LRRC36: variants seen among roughly 807,000 people sequenced by gnomAD.
The protein encoded by LRRC36 is leucine-rich repeat-containing protein 36.
LRRC36 carries 62 observed loss-of-function variants against 81.1 expected under a neutral mutation model. The observed-to-expected ratio is 0.76, with a 90% CI of 0.62 to 0.94. LRRC36 has a LOEUF of 0.94. Ranked by LOEUF, LRRC36 falls within the 40% of genes least tolerant of loss-of-function variation. The pLI is 0.00. For synonymous variants in LRRC36, 334 were observed against 348.6 expected (o/e 0.96, Z 0.47); for missense variants, 761 against 881.7 (o/e 0.86, Z 1.73).
At position 67,331,153 on chromosome 16, in the gene LRRC36, G is replaced by A. The variant is rs569931872; in HGVS notation, c.70+4221G>A. ...TCCTTTATTAGGATAGCTAACTCCC[G>A]TGATAACTAACTCCATGATAACAGC... On this transcript the variant is annotated intron_variant, in intron 1 of 13. Coordinates refer to ENST00000329956, the MANE Select transcript of LRRC36 (RefSeq NM_018296.6). 1.6e-4 allele frequency among the ~76,000 whole-genome samples: 24 copies of A among 151,108 alleles called. 1 individual carries two copies. In the South Asian group the frequency reaches 3.8e-3, roughly 24 times the overall value.
chr16:67,372,570 G>T (rs1205655846), intron 9 of LRRC36, among the ~76,000 whole-genome samples: 1 of 152,096 alleles, frequency 6.6e-6, no homozygotes, highest in Non-Finnish European at 1.5e-5. Flanking sequence ...CATGTGGTTA[G>T]AGGAACCCCA....
rs1286226566 is a variant in LRRC36 at position 67,370,961 on chromosome 16, C to A, written c.1213C>A (p.His405Asn). The A allele has an allele frequency of 1.2e-6, 2 of 1,613,312 alleles. No individual in the cohort carries two copies. The highest frequency in any genetic ancestry group is 3.3e-5 in the Admixed American group (2 of 60,008). ...CTCCACAGATCTGTATGCCACAACC[C>A]ATTTCAACAGTGACCCTGCTGTACT... ...KLSSDLYATTHFNSDPAVLVN... is the reference protein window; with the variant it reads ...KLSSDLYATTNFNSDPAVLVN... Residue 405 changes from histidine (H) to asparagine (N), a missense_variant, in exon 9 of 14, where the codon CAT (histidine) becomes AAT (asparagine). Around this residue, in one of 3 missense-constraint regions of LRRC36, gnomAD observed 139 missense variants for 214.0 expected, o/e 0.65. Transcript: ENST00000329956.
chr16:67,331,248 G>A (rs762406615), intron 1 of LRRC36, among the ~76,000 whole-genome samples: 3 of 152,164 alleles, frequency 2.0e-5, no homozygotes, highest in African/African-American at 7.2e-5. Context: ...TGGCAATTAC[G>A]TTTCAACATG....
intron 5 of LRRC36, among the ~76,000 whole-genome samples, chr16:67,353,140 C>T (rs2038735861): frequency 6.6e-6 from 1 of 152,102 alleles, no homozygotes; most frequent in Non-Finnish European, 1.5e-5. Context: ...TGTTTAACAG[C>T]CTCTCAAGCT....
intron 7 of LRRC36, 57 bp downstream of exon 7, chr16:67,365,412 G>A (rs1355592804): frequency 1.3e-6 from 2 of 1,490,704 alleles, no homozygotes; most frequent in African/African-American, 2.8e-5. Flanking sequence ...AAGTCTGGAT[G>A]TGATGGGATT....
At chr16:67,370,158 T>C (rs1276749892) in intron 8 of LRRC36, among the ~76,000 whole-genome samples, 2 of 152,190 alleles carry the variant, frequency 1.3e-5, no homozygotes, top group African/African-American at 4.8e-5. Context: ...GCAGAGAATT[T>C]ATTAATACAG....
chr16:67,345,755 AAC>A (rs1320773418), intron 2 of LRRC36, among the ~76,000 whole-genome samples: 3 of 151,082 alleles, frequency 2.0e-5, no homozygotes, highest in Non-Finnish European at 4.4e-5. Context: ...AACACAACAC[AAC>A]ACACACACAC....
intron 2 of LRRC36, among the ~76,000 whole-genome samples, chr16:67,343,964 C>G (rs1013769729): frequency 6.6e-6 from 1 of 151,738 alleles, no homozygotes; most frequent in Non-Finnish European, 1.5e-5. Context: ...TTACAGGCAC[C>G]CACCACCACA....
rs2039604584 is a variant in LRRC36 at position 67,370,834 on chromosome 16, A to T, written c.1196-110A>T. ...AGTTTTGTCAGAGAGTTGAGGATGT[A>T]TGCTAGGGAGTGGTTATTATGACCC... is the stretch of plus-strand genomic sequence containing the variant. On this transcript the variant is annotated intron_variant, in intron 8 of 13. Transcript: ENST00000329956. 3 of 820,284 alleles carry T rather than the reference A, an allele frequency of 3.7e-6. No homozygotes were observed. In the East Asian group the frequency reaches 7.3e-5, roughly 20 times the overall value. The allele number at this position is 820,284 out of a possible 1,614,324, so 50.8% of individuals were successfully genotyped here.
At chr16:67,347,293 G>T (rs757511478) in intron 3 of LRRC36, 3 of 887,570 alleles carry the variant, frequency 3.4e-6, no homozygotes, top group Non-Finnish European at 4.9e-6. Context: ...GTGAGGCAGT[G>T]GTCGCTATGG....
chr16:67,326,894 G>A lies in LRRC36; in HGVS notation c.32G>A (p.Gly11Asp), dbSNP rs751300800. The change falls in exon 1 of 14, where the codon GGC becomes GAC. Residue 11 changes from glycine to aspartate, a missense_variant. Around this residue, in one of 3 missense-constraint regions of LRRC36, gnomAD observed 263 missense variants for 279.3 expected, o/e 0.94. Coordinates refer to ENST00000329956, the MANE Select transcript of LRRC36 (RefSeq NM_018296.6). ...GAGCAATGGGAGCTGGACGAGGAAGGCATTCGCCGCCTGGGGGCGCTGACG... is the reference window on the plus strand; with the variant it reads ...GAGCAATGGGAGCTGGACGAGGAAGACATTCGCCGCCTGGGGGCGCTGACG... Reference protein sequence around the residue: MAEQWELDEEGIRRLGALTLE... With the variant: MAEQWELDEEDIRRLGALTLE... 3.5e-5 allele frequency: 52 copies of A among 1,469,712 alleles called. No individual in the cohort carries two copies. Among genetic ancestry groups the A allele is most frequent in the Non-Finnish European group, 8.0e-6 (9 of 1,122,236 alleles). 91.0% of individuals were successfully genotyped at this position (1,469,712 alleles called of 1,614,324 possible).
In LRRC36 at chr16:67,367,275, C is replaced by A; in HGVS notation, c.1013C>A (p.Ser338Tyr). The change falls in exon 8 of 14, where the codon TCT (serine) becomes TAT (tyrosine). Residue 338 changes from serine (S) to tyrosine (Y), a missense_variant. By Grantham distance (144) the Ser-to-Tyr change is moderately radical (BLOSUM62 -2). Around this residue, in one of 3 missense-constraint regions of LRRC36, gnomAD observed 139 missense variants for 214.0 expected, o/e 0.65. Coordinates refer to ENST00000329956, the MANE Select transcript of LRRC36 (RefSeq NM_018296.6). ...VGLENYDSCY[S>Y]QTLSLHGSLG... ...CTGGAAAATTATGACAGTTGTTATTCTCAAACTCTATCCCTGCATGGAAGT... is the reference window on the plus strand; with the variant it reads ...CTGGAAAATTATGACAGTTGTTATTATCAAACTCTATCCCTGCATGGAAGT... 6.2e-7 allele frequency: 1 copy of A among 1,614,156 alleles called. No individual in the cohort carries two copies.
chr16:67,340,916 AGAATATG>A (rs66922514), intron 1 of LRRC36, among the ~76,000 whole-genome samples: 273 of 135,740 alleles, frequency 2.0e-3, no homozygotes, highest in African/African-American at 4.0e-3. Context: ...TATAGAATAT[AGAATATG>A]TACTACATAT....
intron 2 of LRRC36, among the ~76,000 whole-genome samples, chr16:67,343,855 C>T (rs1201359340): frequency 2.0e-5 from 3 of 151,880 alleles, no homozygotes; most frequent in Non-Finnish European, 2.9e-5. Context: ...CTCACTCTGT[C>T]GTCCAGGTTG....
intron 1 of LRRC36, 138 bp downstream of exon 1, chr16:67,327,070 G>A: frequency 1.2e-6 from 1 of 803,436 alleles, no homozygotes. Context: ...GGGGGGCGGG[G>A]GGATAACTTG....
At chr16:67,349,733 A>G (rs1035113833) in intron 4 of LRRC36, among the ~76,000 whole-genome samples, 3 of 152,102 alleles carry the variant, frequency 2.0e-5, no homozygotes, top group African/African-American at 7.2e-5. Context: ...TTTTTCTTAT[A>G]AAGTATGGCT....
chr16:67,332,707 T>A (rs1172367866), intron 1 of LRRC36, among the ~76,000 whole-genome samples: 1 of 152,140 alleles, frequency 6.6e-6, no homozygotes, highest in African/African-American at 2.4e-5. Flanking sequence ...AAATGTCTGC[T>A]CTTCAAAATA....
intron 5 of LRRC36, among the ~76,000 whole-genome samples, chr16:67,363,182 T>C (rs938742911): frequency 6.6e-6 from 1 of 152,186 alleles, no homozygotes; most frequent in African/African-American, 2.4e-5. Context: ...TGGAGATGTA[T>C]AATGCCAGGA....
rs1567470087 is a variant in LRRC36, at chr16:67,340,992, T to C, written c.71-965T>C. ...TTCTATAGAATATAGAATATGTATA[T>C]TATATATAGAATATGTATTCTATAG... is the stretch of plus-strand genomic sequence containing the variant. On this transcript the variant is annotated intron_variant, in intron 1 of 13. Coordinates refer to ENST00000329956, the MANE Select transcript of LRRC36 (RefSeq NM_018296.6). Among the ~76,000 whole-genome samples, 260 of 101,048 alleles carry C rather than the reference T, an allele frequency of 2.6e-3. 81 individuals carry two copies. The highest frequency in any genetic ancestry group is 0.019 in the African/African-American group (241 of 13,008). The allele number at this position is 101,048 out of a possible 152,430, so 66.3% of individuals were successfully genotyped here. A position where few individuals can be genotyped will look rare whatever the true frequency, so the allele number is the denominator to read the frequency against.
Sources: allele counts gnomAD v4.1 joint callset (sites outside exome capture counted in the v4.1 genomes callset), GRCh38; gene constraint gnomAD v4.1.1; regional missense constraint gnomAD v4.1.1; transcripts MANE v1.5; gene names NCBI Gene and HGNC (gene_info 2026-07-23, HGNC 2026-07-21).